The following CYB5R1 variants were observed in gnomAD, a reference collection of about 807,000 sequenced individuals.
The protein encoded by CYB5R1 is cytochrome b5 reductase 1.
Under a neutral mutation model 37.4 loss-of-function variants are expected in CYB5R1, and 32 were observed. The observed-to-expected ratio is 0.86, with a 90% CI of 0.65 to 1.15. The LOEUF is 1.15. Among genes scored for constraint, CYB5R1 ranks in the 50% most tolerant of loss-of-function variants. The pLI is 0.00. For missense variants in CYB5R1, 345 were observed against 382.5 expected (o/e 0.90, Z 0.82); for synonymous variants, 159 against 155.2 (o/e 1.02, Z -0.18).
Position 202,967,178 on chromosome 1 carries a change from A to G in CYB5R1, c.15+13T>C. 6.2e-7 allele frequency: 1 copy of G among 1,607,768 alleles called. No homozygotes were observed. Among genetic ancestry groups the G allele is most frequent in the Non-Finnish European group, 8.5e-7 (1 of 1,176,744 alleles). On this transcript the variant is annotated intron_variant, in intron 1 of 8. Transcript: ENST00000367249. ...GGGGTCCCCCAGTGGAGGATACTGAATGAGGGTCTTACCGTCTGGATCCCC... is the reference window on the plus strand; with the variant it reads ...GGGGTCCCCCAGTGGAGGATACTGAGTGAGGGTCTTACCGTCTGGATCCCC...
In CYB5R1 at chr1:202,962,705, G is replaced by A. The variant is rs201672974; in HGVS notation, c.746-6C>T. On this transcript the variant is annotated splice_polypyrimidine_tract_variant and splice_region_variant and intron_variant, in intron 8 of 8. Coordinates refer to ENST00000367249, the MANE Select transcript of CYB5R1 (RefSeq NM_016243.3). ...GCCCTTGCTGTAGGCCCAATCTGAA[G>A]TATGGGGAGAAGAAAGTACTTAATA... 175 of 1,613,956 alleles carry A rather than the reference G, an allele frequency of 1.1e-4. No individual in the cohort carries two copies. Among genetic ancestry groups the A allele is most frequent in the Admixed American group, 1.7e-4 (10 of 59,956 alleles).
rs777371687 is a variant in CYB5R1 at position 202,962,300 on chromosome 1, T to C, written c.*227A>G. On this transcript the variant is annotated 3_prime_UTR_variant, in exon 9 of 9. Coordinates refer to ENST00000367249, the MANE Select transcript of CYB5R1 (RefSeq NM_016243.3). ...AAGAGACTGCTCCATGGGCCTCTCC[T>C]GGACCTGTTGCCACGGGGAGATTTA... The C allele has an allele frequency of 1.3e-5, 7 of 530,342 alleles. No homozygotes were observed. The highest frequency in any genetic ancestry group is 1.6e-5 in the Non-Finnish European group (5 of 305,114). 32.9% of individuals were successfully genotyped at this position (530,342 alleles called of 1,614,324 possible).
At chr1:202,965,277 G>A in intron 5 of CYB5R1, 94 bp downstream of exon 5, 1 of 1,392,740 alleles carries the variant, frequency 7.2e-7, no homozygotes, top group Non-Finnish European at 9.5e-7. Flanking sequence ...GCCCTTACGT[G>A]CATACACATG....
intron 8 of CYB5R1, 159 bp from the exon 9 acceptor site, chr1:202,962,858 C>T: frequency 9.6e-7 from 1 of 1,042,222 alleles, no homozygotes; most frequent in Non-Finnish European, 1.5e-6. Flanking sequence ...TCAAGCTGAG[C>T]CTTAGCAGCA....
chr1:202,962,399 T>C lies in CYB5R1; in HGVS notation c.*128A>G. 2.6e-6 allele frequency: 3 copies of C among 1,147,740 alleles called. No individual in the cohort carries two copies. The highest frequency in any genetic ancestry group is 3.7e-6 in the Non-Finnish European group (3 of 808,520). The allele number at this position is 1,147,740 out of a possible 1,614,324, so 71.1% of individuals were successfully genotyped here. On this transcript the variant is annotated 3_prime_UTR_variant, in exon 9 of 9. Coordinates refer to ENST00000367249, the MANE Select transcript of CYB5R1 (RefSeq NM_016243.3). ...AGGAATATTGTTCCTGCAGGTACTA[T>C]CCAGATTTCAGCTCTAGATGTAACT...
At position 202,962,473 on chromosome 1, in the gene CYB5R1, G is replaced by A; in HGVS notation, c.*54C>T. On this transcript the variant is annotated 3_prime_UTR_variant, in exon 9 of 9. Coordinates refer to ENST00000367249, the MANE Select transcript of CYB5R1 (RefSeq NM_016243.3). ...AAGGAATCTAAGGCTTATAGTGCTTGAGTACTGATGGGGAACAACTGCAGC... is the reference window on the plus strand; with the variant it reads ...AAGGAATCTAAGGCTTATAGTGCTTAAGTACTGATGGGGAACAACTGCAGC... 1 of 1,542,632 alleles carries A rather than the reference G, an allele frequency of 6.5e-7. No individual in the cohort carries two copies. The highest frequency in any genetic ancestry group is 8.7e-7 in the Non-Finnish European group (1 of 1,144,276).
At chr1:202,966,635 G>T in intron 2 of CYB5R1, 35 bp from the exon 3 acceptor site, 1 of 1,614,078 alleles carries the variant, frequency 6.2e-7, no homozygotes, top group East Asian at 2.2e-5. Context: ...TTCACCAAGC[G>T]CGCCTGGCGC....
chr1:202,967,240 CGACA>C lies in CYB5R1; in HGVS notation c.-39_-36del, dbSNP rs1558021539. On this transcript the variant is annotated 5_prime_UTR_variant, in exon 1 of 9. Coordinates refer to ENST00000367249, the MANE Select transcript of CYB5R1 (RefSeq NM_016243.3). ...CCTTTTCCTCCACCACCTGACAAGC[CGACA>C]GATCCCACAATGCGCCGCGGGGCGG... is the stretch of plus-strand genomic sequence containing the variant. The C allele has an allele frequency of 6.2e-7, 1 of 1,607,570 alleles. No individual in the cohort carries two copies. The highest frequency in any genetic ancestry group is 8.5e-7 in the Non-Finnish European group (1 of 1,176,986).
chr1:202,965,229 T>C lies in CYB5R1; in HGVS notation c.475+142A>G, dbSNP rs897929460. The C allele has an allele frequency of 1.4e-5, 13 of 948,202 alleles. 1 individual carries two copies. The South Asian group carries it at 1.8e-4, about 13-fold the overall frequency. 58.7% of individuals were successfully genotyped at this position (948,202 alleles called of 1,614,324 possible). On this transcript the variant is annotated intron_variant, in intron 5 of 8. Coordinates refer to ENST00000367249, the MANE Select transcript of CYB5R1 (RefSeq NM_016243.3). ...TGGGGCTGAGAAACATGCCTTTCTA[T>C]TGTATCAGCGCTATGTTTAGAAGGA...
In CYB5R1 at chr1:202,962,580, G is replaced by A; in HGVS notation, c.865C>T (p.His289Tyr). 2.5e-6 allele frequency: 4 copies of A among 1,613,714 alleles called. No homozygotes were observed. The highest frequency in any genetic ancestry group is 1.3e-5 in the African/African-American group (1 of 75,050). ...TAGCCCAGTTTGTCCAAGTTGGGAT[G>A]GCAGGCCAGCTGCACCATTGGGGGT... is the stretch of plus-strand genomic sequence containing the variant. ...GPPPMVQLACHPNLDKLGYSQ... is the reference protein window; with the variant it reads ...GPPPMVQLACYPNLDKLGYSQ... The change falls in exon 9 of 9, where the codon CAT becomes TAT. Residue 289 changes from histidine (H) to tyrosine (Y), a missense_variant. Transcript: ENST00000367249.
At chr1:202,964,394 CATTTAATTT>C in intron 6 of CYB5R1, 1 of 573,502 alleles carries the variant, frequency 1.7e-6, no homozygotes. Context: ...GAGGAAAGCT[CATTTAATTT>C]GTTTCTCTAA....
At position 202,966,551 on chromosome 1, in the gene CYB5R1, T is replaced by C. The variant is rs1035790041; in HGVS notation, c.215A>G (p.His72Arg). Residue 72 changes from histidine to arginine, a missense_variant, in exon 3 of 9, where the codon CAC becomes CGC. Coordinates refer to ENST00000367249, the MANE Select transcript of CYB5R1 (RefSeq NM_016243.3). ...KRFRFALPTA[H>R]HTLGLPVGKH... ...ACCCACAGGCAGCCCCAGAGTGTGG[T>C]GGGCGGTGGGCAGGGCAAAGCGGAA... 14 of 1,614,052 alleles carry C rather than the reference T, an allele frequency of 8.7e-6. No homozygotes were observed. Among genetic ancestry groups the C allele is most frequent in the South Asian group, 2.2e-5 (2 of 91,068 alleles).
rs775290379 is a variant in CYB5R1 at position 202,965,966 on chromosome 1, A to G, written c.266T>C (p.Ile89Thr). ...TGGCCTGATGACCAGGCTGCCATCA[A>G]TTCGGGTGGAGAGGTAGATATGTTT... ...VGKHIYLSTR[I>T]DGSLVIRPYT... Residue 89 changes from isoleucine to threonine, a missense_variant, in exon 4 of 9, where the codon ATT becomes ACT. Physicochemically the swap from Ile to Thr is moderately conservative, Grantham distance 89. Transcript: ENST00000367249. The G allele has an allele frequency of 4.3e-6, 7 of 1,613,870 alleles. No homozygotes were observed. Among genetic ancestry groups the G allele is most frequent in the African/African-American group, 1.3e-5 (1 of 75,020 alleles).
At chr1:202,964,945 C>T (rs1313955701) in intron 5 of CYB5R1, 36 of 532,238 alleles carry the variant, frequency 6.8e-5, no homozygotes, top group Non-Finnish European at 9.1e-5. Flanking sequence ...CAAAGTGTCA[C>T]TCCCTGGTGA....
rs1445663854 is a variant in CYB5R1 at position 202,966,794 on chromosome 1, G to A, written c.120C>T (p.Leu40=). The part of the protein sequence containing the change: ...VRRSRRPQVT[L]LDPNEKYLLR... ...GCAGGTACTTTTCATTGGGGTCCAGGAGAGTGACCTGAGGCCGGCGGGACC... is the reference window on the plus strand; with the variant it reads ...GCAGGTACTTTTCATTGGGGTCCAGAAGAGTGACCTGAGGCCGGCGGGACC... The change falls in exon 2 of 9, where the codon CTC becomes CTT. Residue 40 remains leucine (L), a synonymous_variant. Transcript: ENST00000367249. 2 of 1,614,186 alleles carry A rather than the reference G, an allele frequency of 1.2e-6. No individual in the cohort carries two copies. Among genetic ancestry groups the A allele is most frequent in the East Asian group, 2.2e-5 (1 of 44,874 alleles).
intron 6 of CYB5R1, 108 bp downstream of exon 6, chr1:202,964,504 T>G (rs1490457969): frequency 1.1e-6 from 1 of 900,638 alleles, no homozygotes; most frequent in Non-Finnish European, 1.9e-6. Context: ...GGAAATCCCC[T>G]GATGAACAAC....
At chr1:202,966,224 C>T (rs981545129) in intron 3 of CYB5R1, 49 of 594,650 alleles carry the variant, frequency 8.2e-5, no homozygotes, top group African/African-American at 5.2e-4. Context: ...AGGACCTTGA[C>T]AGATGAGCCA....
chr1:202,965,422 C>G lies in CYB5R1; in HGVS notation c.424G>C (p.Asp142His). The G allele has an allele frequency of 6.2e-7, 1 of 1,608,546 alleles. No individual in the cohort carries two copies. Among genetic ancestry groups the G allele is most frequent in the South Asian group, 1.1e-5 (1 of 90,412 alleles). ...CTTGGCCCCCGAAACTCCACCACAT[C>G]CCCAACCTTCAGGCTATCCAGGTAC... ...SQYLDSLKVG[D>H]VVEFRGPSGL... Residue 142 changes from aspartate (D) to histidine (H), a missense_variant, in exon 5 of 9, where the codon GAT becomes CAT. Transcript: ENST00000367249.
intron 5 of CYB5R1, 161 bp downstream of exon 5, chr1:202,965,210 T>A: frequency 1.2e-6 from 1 of 811,264 alleles, no homozygotes; most frequent in South Asian, 2.3e-5. Context: ...CAAATGGGGC[T>A]GAGAAACATG....
Sources: allele counts gnomAD v4.1 joint callset, GRCh38; gene constraint gnomAD v4.1.1; transcripts MANE v1.5; gene names NCBI Gene and HGNC (gene_info 2026-07-23, HGNC 2026-07-21).